SNRPN: variants seen among roughly 807,000 people sequenced by gnomAD.
SNRPN encodes small nuclear ribonucleoprotein-associated protein N.
In SNRPN, 7 loss-of-function variants were observed where a neutral mutation model predicts 25.2. That is an observed-to-expected ratio of 0.28 (90% CI 0.16 to 0.52). The LOEUF (loss-of-function observed/expected upper bound fraction) is 0.52, where lower values mean the gene tolerates loss of function less well. Ranked by LOEUF, SNRPN falls within the 20% of genes least tolerant of loss-of-function variation. The pLI is 0.96. For missense variants in SNRPN, 196 were observed against 322.5 expected, an observed-to-expected ratio of 0.61 and a Z score of 3.00; for synonymous variants, 124 against 110.6, an observed-to-expected ratio of 1.12 and a Z score of -0.76.
At chr15:24,914,815 A>G (rs2059419205) in intron 2 of SNRPN, among the ~76,000 whole-genome samples, 1 of 152,152 alleles carries the variant, frequency 6.6e-6, no homozygotes, top group African/African-American at 2.4e-5. Flanking sequence ...GACCATTGTG[A>G]TAGATACAGG....
At position 24,911,071 on chromosome 15, in the gene SNRPN, G is replaced by A. The variant is rs1385313282; in HGVS notation, c.-504-8940G>A. 5.3e-6 allele frequency: 8 copies of A among 1,509,586 alleles called. No individual in the cohort carries two copies. The African/African-American group carries it at 8.3e-5, about 16-fold the overall frequency. The allele number at this position is 1,509,586 out of a possible 1,614,324, so 93.5% of individuals were successfully genotyped here. A position where few individuals can be genotyped will look rare whatever the true frequency, so the allele number is the denominator to read the frequency against. On this transcript the variant is annotated intron_variant, in intron 2 of 11. Transcript: ENST00000400097. ...CTCTGCACCAGGTGTTTCTTCTTGT[G>A]TTTCCTCTTCTCCTCTTCTGGAGAG...
intron 1 of SNRPN, among the ~76,000 whole-genome samples, chr15:24,865,857 T>G (rs2054527515): frequency 6.6e-6 from 1 of 152,172 alleles, no homozygotes; most frequent in Non-Finnish European, 1.5e-5. Flanking sequence ...CATGTCCCAC[T>G]TCCTGTCCCA....
rs1302518036 is a variant in SNRPN, at chr15:24,882,832, AAAT to A, written c.-578-3682_-578-3680del. 3.0e-4 allele frequency among the ~76,000 whole-genome samples: 40 copies of A among 133,872 alleles called. 4 individuals carry two copies. Among genetic ancestry groups the A allele is most frequent in the African/African-American group, 1.1e-3 (39 of 33,954 alleles). 87.8% of individuals were successfully genotyped at this position (133,872 alleles called of 152,430 possible). On this transcript the variant is annotated intron_variant, in intron 1 of 11. Coordinates refer to the SNRPN transcript ENST00000400097. ...GAGCGAGACTCCATCTCAAAAAAAA[AAAT>A]ATATATATATATAGTGAGTTGAAAT...
rs770705956 is a variant in SNRPN at position 24,962,116 on chromosome 15, A to G, written c.-388A>G. 2 of 1,614,012 alleles carry G rather than the reference A, an allele frequency of 1.2e-6. No homozygotes were observed. Among genetic ancestry groups the G allele is most frequent in the Admixed American group, 1.7e-5 (1 of 59,998 alleles). ...AATGCCTCTCTTTTCTGTTTCAGGG[A>G]TCGCTTACACCTGAGACGAACTACA... On this transcript the variant is annotated splice_region_variant and 5_prime_UTR_variant, in exon 2 of 10. Coordinates refer to ENST00000390687, the MANE Select transcript of SNRPN (RefSeq NM_003097.6).
chr15:24,878,772 AC>A (rs1031394453), intron 1 of SNRPN, among the ~76,000 whole-genome samples: 21 of 152,250 alleles, frequency 1.4e-4, no homozygotes, highest in African/African-American at 4.6e-4. Context: ...TTTGAAAAAA[AC>A]GAAATCCTTT....
At chr15:24,894,270 G>A (rs2057913458) in intron 2 of SNRPN, among the ~76,000 whole-genome samples, 2 of 151,678 alleles carry the variant, frequency 1.3e-5, no homozygotes, top group African/African-American at 4.9e-5. Flanking sequence ...CCAGGCTGGA[G>A]CGCAGTGGTG....
rs201526420 is a variant in SNRPN, at chr15:24,974,503, G to T, written c.3+47G>T. Reference sequence around the variant, plus strand: ...AGGGTTGAAATGTGCTGTAAGGGCCGAAAGAAATAGTTTGCCAGCATGTGC... The same window carrying T: ...AGGGTTGAAATGTGCTGTAAGGGCCTAAAGAAATAGTTTGCCAGCATGTGC... On this transcript the variant is annotated intron_variant, in intron 4 of 9. Coordinates refer to ENST00000390687, the MANE Select transcript of SNRPN (RefSeq NM_003097.6). 3.7e-5 allele frequency: 59 copies of T among 1,591,680 alleles called. 1 individual carries two copies. In the Middle Eastern group the frequency reaches 6.6e-4, roughly 18 times the overall value.
intron 4 of SNRPN, chr15:24,974,735 C>T (rs1438963542): frequency 1.6e-6 from 1 of 607,054 alleles, no homozygotes; most frequent in Non-Finnish European, 2.9e-6. Context: ...GCCTCAGCCT[C>T]TTTATTAGAA....
chr15:24,942,030 G>T (rs1021956151), intron 3 of SNRPN, among the ~76,000 whole-genome samples: 2 of 152,064 alleles, frequency 1.3e-5, no homozygotes, highest in Non-Finnish European at 2.9e-5. Context: ...CACCCACCTT[G>T]GCCTCCCAAA....
At chr15:24,891,257 T>A (rs986996234) in intron 2 of SNRPN, among the ~76,000 whole-genome samples, 2 of 152,132 alleles carry the variant, frequency 1.3e-5, no homozygotes, top group Non-Finnish European at 2.9e-5. Context: ...GGGTTGTTGC[T>A]CTATTTACCA....
At chr15:24,898,132 T>C (rs1325071349) in intron 2 of SNRPN, among the ~76,000 whole-genome samples, 2 of 151,950 alleles carry the variant, frequency 1.3e-5, no homozygotes, top group East Asian at 3.9e-4. Context: ...AATCCTGACA[T>C]GTATGAATCT....
intron 2 of SNRPN, among the ~76,000 whole-genome samples, chr15:24,847,875 TTTGCAGTG>T (rs1010133221): frequency 5.9e-5 from 9 of 151,894 alleles, no homozygotes; most frequent in Non-Finnish European, 8.8e-5. Flanking sequence ...TTCAGCTGAC[TTTGCAGTG>T]TTGCAGTGTC....
intron 2 of SNRPN, among the ~76,000 whole-genome samples, chr15:24,845,529 C>T (rs371709512): frequency 2.0e-5 from 3 of 151,458 alleles, no homozygotes; most frequent in Admixed American, 6.6e-5. Flanking sequence ...ACCTGGCAGA[C>T]GGAAGTTGCA....
intron 2 of SNRPN, among the ~76,000 whole-genome samples, chr15:24,908,110 C>G (rs1425155926): frequency 6.6e-6 from 1 of 150,454 alleles, no homozygotes; most frequent in African/African-American, 2.4e-5. Flanking sequence ...CAGAGCAGCC[C>G]TTACTAGACA....
exon 1 of SNRPN, chr15:24,823,740 G>A (rs567787688): frequency 1.3e-5 from 2 of 152,176 alleles, no homozygotes; most frequent in Non-Finnish European, 2.9e-5. Context: ...CTCTCTCTGG[G>A]GCTATTTGAG....
chr15:24,842,290 C>T (rs2051776566), intron 2 of SNRPN, among the ~76,000 whole-genome samples: 1 of 152,154 alleles, frequency 6.6e-6, no homozygotes, highest in South Asian at 2.1e-4. Context: ...AATAGGAGTC[C>T]AGACACTTCT....
At chr15:24,854,346 C>T (rs759142710), upstream of SNRPN, among the ~76,000 whole-genome samples, 2 of 151,982 alleles carry the variant, frequency 1.3e-5, no homozygotes, top group African/African-American at 2.4e-5. Context: ...TTTATTTCTG[C>T]AAAAAATGGC....
rs11858188 is a variant in SNRPN, at chr15:24,958,299, A to G, written c.-391+3237A>G. Among the ~76,000 whole-genome samples the G allele has an allele frequency of 2.4e-3, 362 of 151,756 alleles. 1 individual carries two copies. Among genetic ancestry groups the G allele is most frequent in the African/African-American group, 8.5e-3 (351 of 41,410 alleles). ...GTTTAGCTATTTTTTAGGAAGAATC[A>G]TTTAAGCAGGTTGTGAGTACTGCCC... On this transcript the variant is annotated intron_variant, in intron 1 of 9. Transcript: ENST00000390687.
At chr15:24,908,173 G>A (rs1315935613) in intron 2 of SNRPN, among the ~76,000 whole-genome samples, 3 of 151,728 alleles carry the variant, frequency 2.0e-5, no homozygotes, top group Non-Finnish European at 4.4e-5. Flanking sequence ...CTCCAGAACT[G>A]TGAGAAACAA....
Sources: allele counts gnomAD v4.1 joint callset (sites outside exome capture counted in the v4.1 genomes callset), GRCh38; gene constraint gnomAD v4.1.1; transcripts MANE v1.5; gene names NCBI Gene and HGNC (gene_info 2026-07-23, HGNC 2026-07-21).